The following CNTN4 variants were observed in gnomAD, a reference collection of about 807,000 sequenced individuals.
CNTN4 encodes contactin-4.
In CNTN4, 77 loss-of-function variants were observed where a neutral mutation model predicts 122.5. The observed-to-expected ratio is 0.63, with a 90% CI of 0.52 to 0.76. The LOEUF (loss-of-function observed/expected upper bound fraction) is 0.76, where lower values mean the gene tolerates loss of function less well. Among genes scored for constraint, CNTN4 ranks in the 30% least tolerant of loss-of-function variants. The probability of loss-of-function intolerance (pLI) is 0.00; values close to 1 mark genes in which losing one functional copy is unlikely to be tolerated. For missense variants in CNTN4, 1,256 were observed against 1,259.1 expected, an observed-to-expected ratio of 1.00 and a Z score of 0.04; for synonymous variants, 512 against 447.0, an observed-to-expected ratio of 1.15 and a Z score of -1.83.
At chr3:2,605,020 A>G (rs2081197712) in intron 4 of CNTN4, among the ~76,000 whole-genome samples, 1 of 152,058 alleles carries the variant, frequency 6.6e-6, no homozygotes, top group Admixed American at 6.6e-5. Context: ...TTAAACATTT[A>G]TTTAGAGACA....
intron 7 of CNTN4, among the ~76,000 whole-genome samples, chr3:2,859,240 A>C (rs2093648432): frequency 1.3e-5 from 2 of 152,122 alleles, no homozygotes; most frequent in Admixed American, 1.3e-4. Context: ...ACAGTATTTT[A>C]TTATTTTTAT....
At chr3:2,320,237 C>T (rs1490944914) in intron 2 of CNTN4, among the ~76,000 whole-genome samples, 1 of 152,066 alleles carries the variant, frequency 6.6e-6, no homozygotes, top group African/African-American at 2.4e-5. Flanking sequence ...ACCTTTCAAG[C>T]TCTAAAATGT....
chr3:2,640,630 AGTGTGTGTATATGT>A (rs778130855), intron 4 of CNTN4, among the ~76,000 whole-genome samples: 6 of 103,672 alleles, frequency 5.8e-5, no homozygotes, highest in East Asian at 3.5e-4. Context: ...ATATCTAGTG[AGTGTGTGTATATGT>A]GTGTGTGTAT....
intron 4 of CNTN4, among the ~76,000 whole-genome samples, chr3:2,600,286 GT>G (rs1168683721): frequency 2.6e-5 from 4 of 151,808 alleles, no homozygotes; most frequent in African/African-American, 9.7e-5. Flanking sequence ...CACACGCCAT[GT>G]TGTGTGCTGC....
At chr3:2,750,621 T>C (rs1361870959) in intron 6 of CNTN4, among the ~76,000 whole-genome samples, 2 of 152,214 alleles carry the variant, frequency 1.3e-5, no homozygotes, top group Non-Finnish European at 2.9e-5. Flanking sequence ...GAGCACATTT[T>C]GTTTTTCAGT....
At chr3:2,178,625 A>G (rs1315456434) in intron 2 of CNTN4, among the ~76,000 whole-genome samples, 2 of 152,142 alleles carry the variant, frequency 1.3e-5, no homozygotes, top group Non-Finnish European at 2.9e-5. Flanking sequence ...GGTTTGTTCC[A>G]TGTTAACTTA....
chr3:2,813,783 C>G (rs1171632022), intron 6 of CNTN4, among the ~76,000 whole-genome samples: 1 of 152,158 alleles, frequency 6.6e-6, no homozygotes, highest in Non-Finnish European at 1.5e-5. Flanking sequence ...TCTTCCCCAG[C>G]TCTAAATATT....
rs533251663 is a variant in CNTN4 at position 2,780,469 on chromosome 3, C to T, written c.358+34772C>T. 5.8e-4 allele frequency among the ~76,000 whole-genome samples: 88 copies of T among 152,304 alleles called. 1 individual carries two copies. The South Asian group carries it at 0.017, about 30-fold the overall frequency. On this transcript the variant is annotated intron_variant, in intron 6 of 24. Transcript: ENST00000418658. The stretch of plus-strand genomic sequence containing the variant: ...TTATGCATTTTCTCTTTGGCTTCCA[C>T]ATAAGAATAAAAGACTATATATTTT...
At chr3:2,922,189 T>G (rs2094435846) in intron 12 of CNTN4, among the ~76,000 whole-genome samples, 1 of 152,186 alleles carries the variant, frequency 6.6e-6, no homozygotes, top group South Asian at 2.1e-4. Flanking sequence ...CTACTGAAGT[T>G]TCACTTCCAT....
At chr3:2,936,941 A>G (rs2094571976) in intron 13 of CNTN4, among the ~76,000 whole-genome samples, 1 of 152,158 alleles carries the variant, frequency 6.6e-6, no homozygotes, top group South Asian at 2.1e-4. Flanking sequence ...CGGCTTTTAC[A>G]CTGCAAGGGC....
intron 2 of CNTN4, among the ~76,000 whole-genome samples, chr3:2,238,544 A>G (rs9873957): frequency 0.54 from 81,105 of 151,228 alleles, 22,305 homozygotes; most frequent in African/African-American, 0.61. Flanking sequence ...GCTAAATACA[A>G]TCTTCAATGT....
chr3:2,137,153 A>C (rs1230981058), intron 2 of CNTN4, among the ~76,000 whole-genome samples: 2 of 152,170 alleles, frequency 1.3e-5, no homozygotes, highest in Admixed American at 6.5e-5. Flanking sequence ...TCAAAAAATA[A>C]AACTCTGGCC....
intron 3 of CNTN4, among the ~76,000 whole-genome samples, chr3:2,568,342 C>CAAAAG (rs2079274200): frequency 1.3e-5 from 1 of 79,544 alleles, no homozygotes; most frequent in African/African-American, 4.7e-5. Flanking sequence ...AAAAAAAAAC[C>CAAAAG]ACCCTGTACA....
intron 13 of CNTN4, among the ~76,000 whole-genome samples, chr3:2,946,948 C>G (rs1326845291): frequency 6.6e-6 from 1 of 152,100 alleles, no homozygotes; most frequent in African/African-American, 2.4e-5. Flanking sequence ...TCAAGCAATC[C>G]TCCCACCTTG....
At chr3:2,121,941 G>A (rs771382972) in intron 2 of CNTN4, among the ~76,000 whole-genome samples, 34 of 151,924 alleles carry the variant, frequency 2.2e-4, no homozygotes, top group South Asian at 6.2e-4. Flanking sequence ...CGAGGTGGGC[G>A]GATCACGAGG....
chr3:2,964,793 T>C (rs139794278), intron 13 of CNTN4, among the ~76,000 whole-genome samples: 64 of 152,324 alleles, frequency 4.2e-4, no homozygotes, highest in African/African-American at 1.5e-3. Context: ...GAAACTGAAG[T>C]TGAGAAAACT....
chr3:2,374,136 G>T (rs2045733260), intron 3 of CNTN4, among the ~76,000 whole-genome samples: 1 of 152,162 alleles, frequency 6.6e-6, no homozygotes, highest in South Asian at 2.1e-4. Flanking sequence ...ACTCAGTAAA[G>T]GAAATGGGCT....
intron 3 of CNTN4, among the ~76,000 whole-genome samples, chr3:2,476,417 G>A (rs983397496): frequency 6.6e-6 from 1 of 152,160 alleles, no homozygotes; most frequent in Non-Finnish European, 1.5e-5. Flanking sequence ...CCTGATAGCT[G>A]TAAACATAAA....
chr3:2,277,269 A>G (rs1000741015), intron 2 of CNTN4, among the ~76,000 whole-genome samples: 5 of 150,686 alleles, frequency 3.3e-5, no homozygotes, highest in Non-Finnish European at 5.9e-5. Flanking sequence ...AGGTGGTGCA[A>G]ACTTATTCCT....
Sources: gnomAD v4.1 joint callset for allele counts (sites outside exome capture counted in the v4.1 genomes callset) on GRCh38, gnomAD v4.1.1 for gene constraint, MANE v1.5 for transcripts, NCBI Gene and HGNC (gene_info 2026-07-23, HGNC 2026-07-21) for gene names.